CDK8: variants seen among roughly 807,000 people sequenced by gnomAD.
The protein encoded by CDK8 is cyclin-dependent kinase 8.
A neutral mutation model predicts 71.5 loss-of-function variants in CDK8; 29 were observed. That is an observed-to-expected ratio of 0.41 (90% CI 0.30 to 0.55). The LOEUF (loss-of-function observed/expected upper bound fraction) is 0.55. Among genes scored for constraint, CDK8 ranks in the 20% least tolerant of loss-of-function variants. The probability of loss-of-function intolerance (pLI) is 0.37; values close to 1 mark genes in which losing one functional copy is unlikely to be tolerated. For synonymous variants in CDK8, 161 were observed against 192.1 expected (o/e 0.84, Z 1.34); for missense variants, 288 against 572.6 (o/e 0.50, Z 5.07).
At chr13:26,370,944 T>A (rs765600032) in intron 4 of CDK8, among the ~76,000 whole-genome samples, 48 of 151,006 alleles carry the variant, frequency 3.2e-4, no homozygotes, top group Non-Finnish European at 5.6e-4. Flanking sequence ...TTTTGTTTAA[T>A]TTTTTTTTTA....
intron 1 of CDK8, among the ~76,000 whole-genome samples, chr13:26,335,868 A>G (rs1416798147): frequency 5.9e-5 from 9 of 152,192 alleles, no homozygotes; most frequent in African/African-American, 2.2e-4. Context: ...AGCATTCACA[A>G]GGCAGCCAAA....
intron 4 of CDK8, among the ~76,000 whole-genome samples, chr13:26,374,755 A>G (rs1874866893): frequency 6.6e-6 from 1 of 152,186 alleles, no homozygotes; most frequent in African/African-American, 2.4e-5. Flanking sequence ...TAATAAAATT[A>G]TATGATGTAG....
intron 4 of CDK8, among the ~76,000 whole-genome samples, chr13:26,361,571 C>T (rs761270708): frequency 1.3e-5 from 2 of 152,008 alleles, no homozygotes; most frequent in Non-Finnish European, 2.9e-5. Flanking sequence ...TTATTGAATA[C>T]TACACTCAAA....
intron 6 of CDK8, among the ~76,000 whole-genome samples, chr13:26,385,561 C>T (rs555402695): frequency 3.3e-5 from 5 of 152,074 alleles, no homozygotes; most frequent in Non-Finnish European, 5.9e-5. Flanking sequence ...AATAGTGAGA[C>T]GTTGTCTCTA....
intron 4 of CDK8, among the ~76,000 whole-genome samples, chr13:26,377,080 A>G (rs911618233): frequency 6.6e-6 from 1 of 152,274 alleles, no homozygotes; most frequent in Non-Finnish European, 1.5e-5. Flanking sequence ...TGAAGATGAC[A>G]GTCAAATAAC....
At chr13:26,384,694 A>T (rs980674579) in intron 5 of CDK8, among the ~76,000 whole-genome samples, 2 of 147,806 alleles carry the variant, frequency 1.4e-5, no homozygotes, top group African/African-American at 2.7e-5. Flanking sequence ...CCTAGCTTTT[A>T]AAAAAAATAC....
rs139602705 is a variant in CDK8 at position 26,371,865 on chromosome 13, G to A, written c.457-10949G>A. On this transcript the variant is annotated intron_variant, in intron 4 of 12. Coordinates refer to ENST00000381527, the MANE Select transcript of CDK8 (RefSeq NM_001260.3). ...AATCCTGACCTCAAGTTATCCGCCC[G>A]CCTCAGCCTCCCAAAGTGCTGAGAT... Among the ~76,000 whole-genome samples, 1,127 of 152,146 alleles carry A rather than the reference G, an allele frequency of 7.4e-3. 12 individuals carry two copies. Among genetic ancestry groups the A allele is most frequent in the African/African-American group, 0.026 (1,078 of 41,510 alleles).
chr13:26,319,294 C>A (rs558140986), intron 1 of CDK8, among the ~76,000 whole-genome samples: 1 of 151,792 alleles, frequency 6.6e-6, no homozygotes, highest in African/African-American at 2.4e-5. Flanking sequence ...ATAGTGAAAC[C>A]CTGTCTCTAC....
chr13:26,331,386 C>A (rs534663350), intron 1 of CDK8, among the ~76,000 whole-genome samples: 1 of 152,294 alleles, frequency 6.6e-6, no homozygotes, highest in South Asian at 2.1e-4. Context: ...TTCTTCCATT[C>A]AACAGGCTGT....
chr13:26,384,150 A>G (rs1004226021), intron 5 of CDK8, among the ~76,000 whole-genome samples: 4 of 152,226 alleles, frequency 2.6e-5, no homozygotes, highest in Non-Finnish European at 5.9e-5. Flanking sequence ...GGGGAACGCT[A>G]CGTCTTAAAG....
intron 1 of CDK8, among the ~76,000 whole-genome samples, chr13:26,317,116 A>G (rs150496990): frequency 4.2e-4 from 64 of 152,346 alleles, no homozygotes; most frequent in African/African-American, 1.5e-3. Context: ...GTGTGACTCC[A>G]TCAAGAGGAC....
At chr13:26,344,932 G>A (rs1276439460) in intron 2 of CDK8, among the ~76,000 whole-genome samples, 1 of 152,058 alleles carries the variant, frequency 6.6e-6, no homozygotes, top group Non-Finnish European at 1.5e-5. Flanking sequence ...TGAAAACATA[G>A]CCAGTATTAG....
intron 1 of CDK8, among the ~76,000 whole-genome samples, chr13:26,270,376 C>T (rs1173086050): frequency 8.2e-5 from 12 of 145,980 alleles, no homozygotes; most frequent in Admixed American, 2.0e-4. Context: ...GCAACAAGAG[C>T]GAAACTCTGT....
At chr13:26,328,657 T>C (rs953766905) in intron 1 of CDK8, among the ~76,000 whole-genome samples, 8 of 152,246 alleles carry the variant, frequency 5.3e-5, no homozygotes, top group Non-Finnish European at 1.2e-4. Context: ...CACTGGAAGC[T>C]TGTAAAATGT....
chr13:26,326,546 C>G (rs758891102), intron 1 of CDK8, among the ~76,000 whole-genome samples: 1 of 152,198 alleles, frequency 6.6e-6, no homozygotes, highest in African/African-American at 2.4e-5. Flanking sequence ...GAAGCTGTCT[C>G]TTTCGTTCCT....
Position 26,337,623 on chromosome 13 carries a change from C to A in CDK8, c.185C>A (p.Ser62Ter), listed in dbSNP as rs1565977796. The A allele has an allele frequency of 6.9e-7, 1 of 1,440,982 alleles. No individual in the cohort carries two copies. Among genetic ancestry groups the A allele is most frequent in the South Asian group, 1.7e-5 (1 of 57,468 alleles). The allele number at this position is 1,440,982 out of a possible 1,614,324, so 89.3% of individuals were successfully genotyped here. A position where few individuals can be genotyped will look rare whatever the true frequency, so the allele number is the denominator to read the frequency against. The change falls in exon 2 of 13, where the codon TCG becomes TAG. Residue 62 changes from serine to a stop codon, truncating the protein, a stop_gained. Coordinates refer to ENST00000381527, the MANE Select transcript of CDK8 (RefSeq NM_001260.3). LOFTEE classifies it high-confidence loss of function. ...KQIEGTGISM[S>*]ACREIALLRE... ...ATAGAAGGAACTGGGATCTCTATGT[C>A]GGCATGTAGAGAAATAGCAGTAAGT... is the stretch of plus-strand genomic sequence containing the variant.
intron 1 of CDK8, among the ~76,000 whole-genome samples, chr13:26,310,514 A>G (rs1170995719): frequency 2.0e-5 from 3 of 152,152 alleles, no homozygotes; most frequent in African/African-American, 7.2e-5. Flanking sequence ...GTGACAGATC[A>G]TTAGGCATTA....
intron 1 of CDK8, among the ~76,000 whole-genome samples, chr13:26,295,969 C>G (rs577131105): frequency 6.6e-6 from 1 of 152,114 alleles, no homozygotes; most frequent in South Asian, 2.1e-4. Flanking sequence ...AGTGGCTGTA[C>G]AGCAGCATTC....
intron 1 of CDK8, among the ~76,000 whole-genome samples, chr13:26,296,811 G>A (rs1873581707): frequency 6.6e-6 from 1 of 152,146 alleles, no homozygotes; most frequent in Non-Finnish European, 1.5e-5. Flanking sequence ...TGTCTTTACT[G>A]TTAGGTCTAT....
Sources: allele counts gnomAD v4.1 joint callset (sites outside exome capture counted in the v4.1 genomes callset), GRCh38; gene constraint gnomAD v4.1.1; transcripts MANE v1.5; gene names NCBI Gene and HGNC (gene_info 2026-07-23, HGNC 2026-07-21).